The following CORO7 variants were observed in gnomAD, a reference collection of about 807,000 sequenced individuals.
CORO7 encodes the protein coronin-7.
A neutral mutation model predicts 126.6 loss-of-function variants in CORO7; 107 were observed. That is an observed-to-expected ratio of 0.85 (90% CI 0.72 to 0.99). The LOEUF is 0.99. Among genes scored for constraint, CORO7 ranks in the 50% least tolerant of loss-of-function variants. The pLI, the probability that CORO7 is intolerant of heterozygous loss-of-function variation, is 0.00. For synonymous variants in CORO7, 603 were observed against 536.8 expected (o/e 1.12, Z -1.70); for missense variants, 1,314 against 1,255.8 (o/e 1.05, Z -0.70).
At chr16:4,398,269 G>A (rs2055672937) in intron 6 of CORO7, among the ~76,000 whole-genome samples, 1 of 152,156 alleles carries the variant, frequency 6.6e-6, no homozygotes. Flanking sequence ...AAAAGCGTAT[G>A]AAAATATGTT....
intron 9 of CORO7, chr16:4,381,810 C>T: frequency 6.2e-7 from 1 of 1,600,528 alleles, no homozygotes; most frequent in Non-Finnish European, 8.5e-7. Flanking sequence ...GGTTTGGCCC[C>T]TGGGTGCGCG....
chr16:4,357,264 G>T lies in CORO7; in HGVS notation c.2594-5C>A. 1 of 1,612,006 alleles carries T rather than the reference G, an allele frequency of 6.2e-7. No individual in the cohort carries two copies. Among genetic ancestry groups the T allele is most frequent in the Non-Finnish European group, 8.5e-7 (1 of 1,179,264 alleles). ...CCTCTCGGGGGGCTTGGCTCACTGGGACAGAGCAAGGACACGTGTCAGAGA... is the reference window on the plus strand; with the variant it reads ...CCTCTCGGGGGGCTTGGCTCACTGGTACAGAGCAAGGACACGTGTCAGAGA... On this transcript the variant is annotated splice_region_variant and splice_polypyrimidine_tract_variant and intron_variant, in intron 25 of 27. Coordinates refer to ENST00000251166, the MANE Select transcript of CORO7 (RefSeq NM_024535.5).
At chr16:4,399,629 T>C (rs758877165) in intron 6 of CORO7, among the ~76,000 whole-genome samples, 1 of 152,158 alleles carries the variant, frequency 6.6e-6, no homozygotes, top group Non-Finnish European at 1.5e-5. Flanking sequence ...ATGGTTAAGA[T>C]GGTGAATTTT....
intron 6 of CORO7, among the ~76,000 whole-genome samples, chr16:4,398,794 T>C (rs1025559729): frequency 2.0e-5 from 3 of 151,524 alleles, no homozygotes; most frequent in Non-Finnish European, 2.9e-5. Context: ...ATAGTGAAAC[T>C]CCGTCTCTAC....
At chr16:4,392,593 G>T (rs1419951947) in intron 7 of CORO7, among the ~76,000 whole-genome samples, 4 of 152,162 alleles carry the variant, frequency 2.6e-5, no homozygotes, top group African/African-American at 9.7e-5. Flanking sequence ...ACCCACAGAG[G>T]ACAGAGGTTG....
At position 4,355,100 on chromosome 16, in the gene CORO7, G is replaced by A. The variant is rs769217875; in HGVS notation, c.*58C>T. Reference sequence around the variant, plus strand: ...GTATCTTCCAGCTTGAGGATGAGCCGTGAGGTGTGCACTAGGAAGTGGCAG... The same window carrying A: ...GTATCTTCCAGCTTGAGGATGAGCCATGAGGTGTGCACTAGGAAGTGGCAG... On this transcript the variant is annotated 3_prime_UTR_variant, in exon 28 of 28. Transcript: ENST00000251166. The A allele has an allele frequency of 7.0e-5, 102 of 1,459,990 alleles. No individual in the cohort carries two copies. Among genetic ancestry groups the A allele is most frequent in the Non-Finnish European group, 8.8e-5 (97 of 1,099,868 alleles). The allele number at this position is 1,459,990 out of a possible 1,614,324, so 90.4% of individuals were successfully genotyped here. A position where few individuals can be genotyped will look rare whatever the true frequency, so the allele number is the denominator to read the frequency against.
At chr16:4,407,386 G>A (rs1361189696) in intron 5 of CORO7, 115 bp downstream of exon 5, 3 of 1,223,596 alleles carry the variant, frequency 2.5e-6, no homozygotes, top group African/African-American at 1.5e-5. Flanking sequence ...TACTATGTAA[G>A]TGTAAAACTT....
chr16:4,414,661 C>A (rs1417083478), intron 1 of CORO7, among the ~76,000 whole-genome samples: 1 of 152,174 alleles, frequency 6.6e-6, no homozygotes, highest in Admixed American at 6.5e-5. Context: ...TCCCGCCTCC[C>A]TAACATAAAC....
chr16:4,385,681 G>C (rs2055171972), intron 9 of CORO7, among the ~76,000 whole-genome samples: 1 of 152,112 alleles, frequency 6.6e-6, no homozygotes, highest in African/African-American at 2.4e-5. Context: ...GTTCGAGGCT[G>C]GCCTGGCTCC....
chr16:4,407,701 G>A lies in CORO7; in HGVS notation c.304-17C>T. On this transcript the variant is annotated splice_polypyrimidine_tract_variant and intron_variant, in intron 4 of 27. Coordinates refer to ENST00000251166, the MANE Select transcript of CORO7 (RefSeq NM_024535.5). ...GAGTTTTACCTGCAAGAAAGACCAA[G>A]TCCGTGAGCACAGGGCTGAGGGCCT... 1 of 1,567,406 alleles carries A rather than the reference G, an allele frequency of 6.4e-7. No individual in the cohort carries two copies. Among genetic ancestry groups the A allele is most frequent in the East Asian group, 2.2e-5 (1 of 44,482 alleles).
chr16:4,383,021 T>C lies in CORO7; in HGVS notation c.785+4965A>G, dbSNP rs890614352. ...TCGGGGATGTGTGCAGACAGGGCTG[T>C]GTGACCACAGCTGGGCCCTGTTCCC... is the stretch of plus-strand genomic sequence containing the variant. On this transcript the variant is annotated intron_variant, in intron 9 of 27. Coordinates refer to ENST00000251166, the MANE Select transcript of CORO7 (RefSeq NM_024535.5). 1.4e-5 allele frequency: 16 copies of C among 1,111,090 alleles called. No individual in the cohort carries two copies. In the African/African-American group the frequency reaches 2.3e-4, roughly 16 times the overall value. The allele number at this position is 1,111,090 out of a possible 1,614,324, so 68.8% of individuals were successfully genotyped here.
intron 2 of CORO7, 33 bp downstream of exon 2, chr16:4,413,275 G>A: frequency 1.3e-6 from 2 of 1,547,886 alleles, no homozygotes; most frequent in Non-Finnish European, 1.7e-6. Flanking sequence ...CCGAATATGT[G>A]AGCAAATATC....
At chr16:4,357,726 C>T in intron 25 of CORO7, 1 of 621,880 alleles carries the variant, frequency 1.6e-6, no homozygotes, top group Non-Finnish European at 2.6e-6. Flanking sequence ...ACTGTATAAG[C>T]CCTGCCCTAG....
chr16:4,381,038 C>T (rs781090071), intron 9 of CORO7: 37 of 1,610,342 alleles, frequency 2.3e-5, no homozygotes, highest in African/African-American at 1.3e-5. Context: ...CCACCCGACA[C>T]GGTGGGGCTG....
chr16:4,355,018 TG>T lies in CORO7; in HGVS notation c.*139del. On this transcript the variant is annotated 3_prime_UTR_variant, in exon 28 of 28. Transcript: ENST00000251166. The stretch of plus-strand genomic sequence containing the variant: ...GGAACTGCCAGAGGCCCAGAGGATG[TG>T]GAAGTGCCCACGGGAAGGCAGGAGT... 2.2e-6 allele frequency: 2 copies of T among 918,542 alleles called. No homozygotes were observed. Among genetic ancestry groups the T allele is most frequent in the Non-Finnish European group, 1.6e-6 (1 of 644,658 alleles). 56.9% of individuals were successfully genotyped at this position (918,542 alleles called of 1,614,324 possible).
chr16:4,364,266 TG>T lies in CORO7; in HGVS notation c.1275+9del. The stretch of plus-strand genomic sequence containing the variant: ...CGCTGAGGGAGGATGGGGGCGGCCC[TG>T]GTACTTACGCTTGCGTCTGCATCAC... On this transcript the variant is annotated intron_variant, in intron 14 of 27. Transcript: ENST00000251166. 2 of 1,523,006 alleles carry T rather than the reference TG, an allele frequency of 1.3e-6. No individual in the cohort carries two copies. The highest frequency in any genetic ancestry group is 8.8e-7 in the Non-Finnish European group (1 of 1,138,450). 94.3% of individuals were successfully genotyped at this position (1,523,006 alleles called of 1,614,324 possible).
At chr16:4,374,359 G>A (rs1278854112) in intron 9 of CORO7, among the ~76,000 whole-genome samples, 1 of 152,166 alleles carries the variant, frequency 6.6e-6, no homozygotes, top group Non-Finnish European at 1.5e-5. Context: ...GGTGTGAGGA[G>A]GCTGGAGGAG....
At chr16:4,408,823 T>G (rs1452138097) in intron 3 of CORO7, among the ~76,000 whole-genome samples, 3 of 151,848 alleles carry the variant, frequency 2.0e-5, no homozygotes, top group Non-Finnish European at 4.4e-5. Flanking sequence ...ATTAGTTGGG[T>G]GTGGTGGCGG....
rs1682562825 is a variant in CORO7 at position 4,408,336 on chromosome 16, C to T, written c.233-85G>A. On this transcript the variant is annotated intron_variant, in intron 3 of 27. Coordinates refer to ENST00000251166, the MANE Select transcript of CORO7 (RefSeq NM_024535.5). ...AAAGCCCAGGGCTTCCGAGGTGACA[C>T]TTTTGTGTGCACACAGAAACAGGCT... 3.2e-6 allele frequency: 5 copies of T among 1,579,942 alleles called. No homozygotes were observed. The South Asian group carries it at 3.3e-5, about 11-fold the overall frequency.
Sources: allele counts gnomAD v4.1 joint callset (sites outside exome capture counted in the v4.1 genomes callset), GRCh38; gene constraint gnomAD v4.1.1; transcripts MANE v1.5; gene names NCBI Gene and HGNC (gene_info 2026-07-23, HGNC 2026-07-21).